The following TDRD5 variants were observed in gnomAD, a reference collection of about 807,000 sequenced individuals.
TDRD5 encodes tudor domain containing 5, also known as tudor domain-containing protein 5.
In TDRD5, 41 loss-of-function variants were observed where a neutral mutation model predicts 120.6. The observed-to-expected ratio is 0.34, with a 90% CI of 0.26 to 0.44. The LOEUF (loss-of-function observed/expected upper bound fraction) is 0.44. Among genes scored for constraint, TDRD5 ranks in the 20% least tolerant of loss-of-function variants. TDRD5 has a pLI of 1.00. For missense variants in TDRD5, 1,006 were observed against 1,221.2 expected, an observed-to-expected ratio of 0.82 and a Z score of 2.63; for synonymous variants, 430 against 433.7, an observed-to-expected ratio of 0.99 and a Z score of 0.11.
At chr1:179,651,501 T>C (rs1678710174) in intron 12 of TDRD5, among the ~76,000 whole-genome samples, 1 of 151,970 alleles carries the variant, frequency 6.6e-6, no homozygotes, top group South Asian at 2.1e-4. Context: ...TCTGAAACTG[T>C]CCTAGAGAAG....
In TDRD5 at chr1:179,690,914, T is replaced by TA; in HGVS notation, c.3080dup (p.Tyr1027Ter). The TA allele has an allele frequency of 6.2e-7, 1 of 1,613,322 alleles. No individual in the cohort carries two copies. Among genetic ancestry groups the TA allele is most frequent in the Admixed American group, 1.7e-5 (1 of 59,986 alleles). Reference protein sequence around the residue: ...LATSRSLLHWYPSVKRMEA With the variant: ...LATSRSLLHW ...TACATCCAGGAGCCTCCTACACTGG[T>TA]ACCCCAGTGTGAAAAGGATGGAAGC... The change falls in exon 18 of 18, where the codon TAC (tyrosine) becomes TAAC (stop). Residue 1027 changes from tyrosine to a stop codon, truncating the protein, a stop_gained and frameshift_variant. Transcript: ENST00000444136. LOFTEE classifies it high-confidence loss of function.
chr1:179,664,874 A>C (rs1469057914), intron 16 of TDRD5, among the ~76,000 whole-genome samples: 1 of 152,116 alleles, frequency 6.6e-6, no homozygotes, highest in Non-Finnish European at 1.5e-5. Flanking sequence ...GAATTGGCAT[A>C]CTGTCATTCA....
At position 179,640,437 on chromosome 1, in the gene TDRD5, C is replaced by T. The variant is rs1353828180; in HGVS notation, c.1792C>T (p.Pro598Ser). The change falls in exon 11 of 18, where the codon CCA (proline) becomes TCA (serine). Residue 598 changes from proline (P) to serine (S), a missense_variant. Physicochemically the swap from Pro to Ser is moderately conservative, Grantham distance 74 (BLOSUM62 -1). Around this residue, in one of 3 missense-constraint regions of TDRD5, gnomAD observed 158 missense variants for 257.5 expected, o/e 0.61. Transcript: ENST00000444136. ...CCCTTGTTCTTTGGCTTGGGTGAGA[C>T]CAGTAGAGGTATGTTTGCTTGTCTC... The part of the protein sequence containing the change: ...AIPCSLAWVR[P>S]VEEHWTSKAI... The T allele has an allele frequency of 1.2e-6, 2 of 1,613,892 alleles. No individual in the cohort carries two copies. Among genetic ancestry groups the T allele is most frequent in the Non-Finnish European group, 1.7e-6 (2 of 1,179,962 alleles).
At chr1:179,654,159 A>G in intron 13 of TDRD5, 42 bp from the exon 14 acceptor site, 7 of 1,459,208 alleles carry the variant, frequency 4.8e-6, no homozygotes, top group Non-Finnish European at 6.4e-6. Flanking sequence ...TGGAAACAGC[A>G]TTAATATTTA....
At chr1:179,595,947 G>A (rs1008590190) in intron 4 of TDRD5, 129 bp downstream of exon 4, 12 of 909,722 alleles carry the variant, frequency 1.3e-5, no homozygotes, top group Non-Finnish European at 1.9e-5. Flanking sequence ...ATTTGACTAA[G>A]CATTTCCTAT....
At chr1:179,644,772 T>C (rs1678249997) in intron 11 of TDRD5, among the ~76,000 whole-genome samples, 2 of 152,208 alleles carry the variant, frequency 1.3e-5, no homozygotes, top group South Asian at 4.1e-4. Flanking sequence ...TTTTGAATAG[T>C]TTTTTCAAAG....
chr1:179,685,955 G>C (rs1216596638), intron 17 of TDRD5, among the ~76,000 whole-genome samples: 1 of 152,076 alleles, frequency 6.6e-6, no homozygotes, highest in Admixed American at 6.6e-5. Context: ...AAGATGATGG[G>C]GTTTTCTAAA....
chr1:179,637,312 G>A (rs1337224290), intron 9 of TDRD5, among the ~76,000 whole-genome samples: 2 of 152,068 alleles, frequency 1.3e-5, no homozygotes, highest in Admixed American at 6.5e-5. Context: ...ACACTCACTG[G>A]CTCTCTGACC....
At chr1:179,635,445 A>G (rs772417216) in intron 8 of TDRD5, among the ~76,000 whole-genome samples, 3 of 152,198 alleles carry the variant, frequency 2.0e-5, no homozygotes, top group African/African-American at 4.8e-5. Context: ...ATATTTTAAC[A>G]TAGGTAAGAA....
At chr1:179,600,010 G>A (rs1291981694) in intron 4 of TDRD5, among the ~76,000 whole-genome samples, 2 of 152,074 alleles carry the variant, frequency 1.3e-5, no homozygotes, top group Non-Finnish European at 2.9e-5. Context: ...ATTTTAGAGT[G>A]CACTCCTTAC....
intron 6 of TDRD5, among the ~76,000 whole-genome samples, chr1:179,624,370 A>G (rs543801300): frequency 4.6e-5 from 7 of 152,302 alleles, no homozygotes; most frequent in African/African-American, 1.4e-4. Context: ...AAAATCTGGA[A>G]CAAGGTAAGT....
At chr1:179,614,415 T>G (rs968129909) in intron 4 of TDRD5, among the ~76,000 whole-genome samples, 5 of 152,222 alleles carry the variant, frequency 3.3e-5, no homozygotes, top group Non-Finnish European at 7.3e-5. Flanking sequence ...ATTTGCTCTA[T>G]TTTCAGTTTT....
At chr1:179,668,644 G>C (rs1384244462) in intron 16 of TDRD5, among the ~76,000 whole-genome samples, 1 of 151,166 alleles carries the variant, frequency 6.6e-6, no homozygotes, top group Admixed American at 6.6e-5. Flanking sequence ...TCAGTGCCCT[G>C]TTTGCTTATG....
At chr1:179,594,148 T>C (rs570000333) in intron 3 of TDRD5, among the ~76,000 whole-genome samples, 5 of 152,350 alleles carry the variant, frequency 3.3e-5, no homozygotes, top group Non-Finnish European at 7.3e-5. Context: ...TATTATTATT[T>C]TAAAAACTAC....
Position 179,596,148 on chromosome 1 carries a change from C to T in TDRD5, c.831+330C>T, listed in dbSNP as rs553717401. Among the ~76,000 whole-genome samples the T allele has an allele frequency of 2.0e-5, 3 of 152,162 alleles. No homozygotes were observed. The East Asian group carries it at 5.8e-4, about 29-fold the overall frequency. On this transcript the variant is annotated intron_variant, in intron 4 of 17. Transcript: ENST00000444136. The stretch of plus-strand genomic sequence containing the variant: ...ACAAATATCTTCTGAATGGCTGTCC[C>T]TGAGCATAATAATCCTGGTATTTTT...
At chr1:179,604,070 T>C (rs1292865892) in intron 4 of TDRD5, among the ~76,000 whole-genome samples, 1 of 152,180 alleles carries the variant, frequency 6.6e-6, no homozygotes, top group Non-Finnish European at 1.5e-5. Context: ...TTATTGGCTG[T>C]TCAGGGTATC....
chr1:179,651,448 G>A (rs1678707051), intron 12 of TDRD5, among the ~76,000 whole-genome samples: 1 of 152,048 alleles, frequency 6.6e-6, no homozygotes, highest in South Asian at 2.1e-4. Flanking sequence ...GGGCAACAGG[G>A]CGAAGACTCT....
At chr1:179,628,919 T>TTTG (rs141689839) in intron 6 of TDRD5, among the ~76,000 whole-genome samples, 50,977 of 151,206 alleles carry the variant, frequency 0.34, 8,728 homozygotes, top group Admixed American at 0.41. Context: ...GACTGAGGAA[T>TTTG]TTGTTGTTGT....
intron 1 of TDRD5, 112 bp from the exon 2 acceptor site, chr1:179,592,490 C>G (rs964195039): frequency 8.5e-6 from 7 of 822,522 alleles, no homozygotes; most frequent in Non-Finnish European, 1.3e-5. Context: ...CTACTTCTGC[C>G]TTATTACCCT....
Sources: allele counts gnomAD v4.1 joint callset (sites outside exome capture counted in the v4.1 genomes callset), GRCh38; gene constraint gnomAD v4.1.1; regional missense constraint gnomAD v4.1.1; transcripts MANE v1.5; gene names NCBI Gene and HGNC (gene_info 2026-07-23, HGNC 2026-07-21).